SPO11: variants seen among roughly 807,000 people sequenced by gnomAD.
The protein encoded by SPO11 is SPO11 initiator of meiotic double strand breaks.
In SPO11, 49 loss-of-function variants were observed where a neutral mutation model predicts 51.6. The observed-to-expected ratio is 0.95, with a 90% CI of 0.75 to 1.20. The LOEUF (loss-of-function observed/expected upper bound fraction) is 1.20, where lower values mean the gene tolerates loss of function less well. Ranked by LOEUF, SPO11 falls within the 50% of genes most tolerant of loss-of-function variation. The pLI, the probability that SPO11 is intolerant of heterozygous loss-of-function variation, is 0.00. For synonymous variants in SPO11, 176 were observed against 158.2 expected (o/e 1.11, Z -0.84); for missense variants, 431 against 473.4 (o/e 0.91, Z 0.83).
intron 8 of SPO11, among the ~76,000 whole-genome samples, chr20:57,337,554 G>A (rs1453411665): frequency 6.6e-6 from 1 of 152,164 alleles, no homozygotes; most frequent in Non-Finnish European, 1.5e-5. Context: ...CCTGTTGTTA[G>A]ATATTTTGGC....
At chr20:57,338,118 C>G (rs564888078) in intron 8 of SPO11, among the ~76,000 whole-genome samples, 158 bp from the exon 9 acceptor site, 4 of 152,250 alleles carry the variant, frequency 2.6e-5, no homozygotes, top group African/African-American at 9.6e-5. Context: ...AATTCCTGAC[C>G]TCAGGTGATC....
chr20:57,338,397 TACA>T (rs1161249358), intron 9 of SPO11, 22 bp downstream of exon 9: 8 of 1,452,632 alleles, frequency 5.5e-6, no homozygotes, highest in Non-Finnish European at 3.9e-6. Flanking sequence ...CTGGACTATT[TACA>T]ACAATAGTCA....
intron 1 of SPO11, among the ~76,000 whole-genome samples, chr20:57,330,327 A>G (rs2066431513): frequency 6.6e-6 from 1 of 151,832 alleles, no homozygotes; most frequent in African/African-American, 2.4e-5. Flanking sequence ...TTAGCTTTGT[A>G]TTTTTTAAAC....
chr20:57,339,336 A>G (rs970894845), intron 10 of SPO11, among the ~76,000 whole-genome samples: 3 of 152,102 alleles, frequency 2.0e-5, no homozygotes, highest in African/African-American at 4.8e-5. Flanking sequence ...CTGATCACCA[A>G]ATATACTCGA....
intron 7 of SPO11, 92 bp downstream of exon 7, chr20:57,335,547 G>A: frequency 7.7e-7 from 1 of 1,292,182 alleles, no homozygotes; most frequent in Non-Finnish European, 1.1e-6. Flanking sequence ...AATGTGTAAG[G>A]AACAAGTTAG....
intron 8 of SPO11, among the ~76,000 whole-genome samples, chr20:57,337,982 G>C (rs573842923): frequency 1.3e-5 from 2 of 152,248 alleles, no homozygotes; most frequent in South Asian, 2.1e-4. Context: ...CTGCCTCCTA[G>C]GTTCAAGTGA....
intron 10 of SPO11, 90 bp downstream of exon 10, chr20:57,339,116 C>T (rs2066549040): frequency 1.1e-6 from 1 of 881,234 alleles, no homozygotes; most frequent in Non-Finnish European, 1.7e-6. Context: ...CACCCCCAAG[C>T]AGGCTGAGAG....
chr20:57,331,198 C>T (rs546675739), intron 1 of SPO11, among the ~76,000 whole-genome samples: 1 of 152,306 alleles, frequency 6.6e-6, no homozygotes, highest in East Asian at 1.9e-4. Context: ...TCGCATTTTG[C>T]TGTAGAGTGG....
At chr20:57,330,067 G>C (rs1230399261) in intron 1 of SPO11, 69 bp downstream of exon 1, 1 of 1,490,218 alleles carries the variant, frequency 6.7e-7, no homozygotes, top group African/African-American at 1.4e-5. Flanking sequence ...TCCTGGCCCC[G>C]GGCTGCCTCC....
chr20:57,339,005 C>CCAATGTTATAGGTATCCA lies in SPO11; in HGVS notation c.861_862insCAATGTTATAGGTATCCA (p.Cys287_Ile288insGlnCysTyrArgTyrPro). 1 of 1,489,326 alleles carries CCAATGTTATAGGTATCCA rather than the reference C, an allele frequency of 6.7e-7. No individual in the cohort carries two copies. The highest frequency in any genetic ancestry group is 9.1e-7 in the Non-Finnish European group (1 of 1,093,566). 92.3% of individuals were successfully genotyped at this position (1,489,326 alleles called of 1,614,324 possible). On this transcript the variant is annotated inframe_insertion, in exon 10 of 13. Transcript: ENST00000371263. ...TTTTAACAGGCATAGAAATAATGTG[C>CCAATGTTATAGGTATCCA]ATCTATAAGTATGGATCTATGGTAA... is the stretch of plus-strand genomic sequence containing the variant.
At position 57,340,132 on chromosome 20, in the gene SPO11, G is replaced by T. The variant is rs746170555; in HGVS notation, c.913G>T (p.Val305Phe). ...SMSFEAHHLT[V>F]PAIRWLGLLP... Reference sequence around the variant, plus strand: ...GTCTTTTGAAGCTCATCATCTCACAGTTCCAGCTATTAGATGGCTTGGTCT... The same window carrying T: ...GTCTTTTGAAGCTCATCATCTCACATTTCCAGCTATTAGATGGCTTGGTCT... Residue 305 changes from valine (V) to phenylalanine (F), a missense_variant, in exon 11 of 13, where the codon GTT becomes TTT. This residue lies in a region of SPO11 where 405 missense variants were observed against 425.9 expected (regional missense o/e 0.95). Coordinates refer to ENST00000371263, the MANE Select transcript of SPO11 (RefSeq NM_012444.3). 6.2e-7 allele frequency: 1 copy of T among 1,612,814 alleles called. No homozygotes were observed. The highest frequency in any genetic ancestry group is 8.5e-7 in the Non-Finnish European group (1 of 1,178,932).
intron 7 of SPO11, 137 bp downstream of exon 7, chr20:57,335,592 C>T: frequency 1.2e-6 from 1 of 819,110 alleles, no homozygotes; most frequent in Non-Finnish European, 1.9e-6. Flanking sequence ...CACCATGGTC[C>T]CTTCTTTAGT....
rs1383848737 is a variant in SPO11 at position 57,338,314 on chromosome 20, C to T, written c.783C>T (p.Val261=). ...GVPDLNTRLL[V]KKLWDTFHVP... ...CTGATCTAAACACAAGACTTTTAGT[C>T]AAGAAACTGTGGGATACATTTCATG... Residue 261 remains valine, a synonymous_variant, in exon 9 of 13, where the codon GTC becomes GTT. Transcript: ENST00000371263. 3 of 1,613,734 alleles carry T rather than the reference C, an allele frequency of 1.9e-6. No individual in the cohort carries two copies. The highest frequency in any genetic ancestry group is 3.3e-5 in the Admixed American group (2 of 59,950).
rs771645199 is a variant in SPO11, at chr20:57,335,904, T to C, written c.741T>C (p.Ile247=). Residue 247 remains isoleucine, a synonymous_variant, in exon 8 of 13, where the codon ATT becomes ATC. Transcript: ENST00000371263. Reference sequence around the variant, plus strand: ...ACAAATTGTCTCCTTGCATCATGATTACGGTATATTATCTAACTTTACTAC... The same window carrying C: ...ACAAATTGTCTCCTTGCATCATGATCACGGTATATTATCTAACTTTACTAC... The part of the protein sequence containing the change: ...FCNKLSPCIM[I]TGKGVPDLNT... 5.1e-6 allele frequency: 8 copies of C among 1,574,050 alleles called. No individual in the cohort carries two copies. The South Asian group carries it at 7.8e-5, about 15-fold the overall frequency.
At chr20:57,334,116 A>C in intron 5 of SPO11, 21 bp downstream of exon 5, 1 of 1,206,396 alleles carries the variant, frequency 8.3e-7, no homozygotes, top group Non-Finnish European at 1.2e-6. Flanking sequence ...CCTAATACAA[A>C]ACATTTTATT....
chr20:57,330,065 C>G, intron 1 of SPO11, 67 bp downstream of exon 1: 5 of 1,491,546 alleles, frequency 3.4e-6, no homozygotes, highest in Non-Finnish European at 4.5e-6. Flanking sequence ...CTTCCTGGCC[C>G]CGGGCTGCCT....
In SPO11 at chr20:57,338,492, G is replaced by GGA. The variant is rs1600685421; in HGVS notation, c.844+119_844+120dup. 2.9e-5 allele frequency: 21 copies of GGA among 718,416 alleles called. No individual in the cohort carries two copies. The East Asian group carries it at 5.9e-4, about 20-fold the overall frequency. 44.5% of individuals were successfully genotyped at this position (718,416 alleles called of 1,614,324 possible). ...AGATTGAGTCCTGCTCTGTCACCCA[G>GGA]GAGTGCAATGGCGCGATCTTGGCTC... On this transcript the variant is annotated intron_variant, in intron 9 of 12. Coordinates refer to ENST00000371263, the MANE Select transcript of SPO11 (RefSeq NM_012444.3).
chr20:57,340,045 G>T, intron 10 of SPO11, 57 bp from the exon 11 acceptor site: 1 of 1,202,726 alleles, frequency 8.3e-7, no homozygotes, highest in South Asian at 1.2e-5. Context: ...TGAAAAACAA[G>T]AATGCTAGTT....
chr20:57,330,226 A>C (rs1029776038), intron 1 of SPO11, among the ~76,000 whole-genome samples: 1 of 152,150 alleles, frequency 6.6e-6, no homozygotes, highest in African/African-American at 2.4e-5. Context: ...GGCTTCTAGG[A>C]TGTTCCCCTT....
Sources: allele counts gnomAD v4.1 joint callset (sites outside exome capture counted in the v4.1 genomes callset), GRCh38; gene constraint gnomAD v4.1.1; regional missense constraint gnomAD v4.1.1; transcripts MANE v1.5; gene names NCBI Gene and HGNC (gene_info 2026-07-23, HGNC 2026-07-21).